The following NELL1 variants were observed in gnomAD, a reference collection of about 807,000 sequenced individuals.
NELL1 encodes neural EGFL like 1.
A neutral mutation model predicts 107.4 loss-of-function variants in NELL1; 76 were observed. That is an observed-to-expected ratio of 0.71 (90% CI 0.59 to 0.86). The LOEUF is 0.86. NELL1 is among the 40% of genes least tolerant of loss of function. The probability of loss-of-function intolerance (pLI) is 0.00; values close to 1 mark genes in which losing one functional copy is unlikely to be tolerated. For missense variants in NELL1, 1,024 were observed against 1,005.5 expected, an observed-to-expected ratio of 1.02 and a Z score of -0.25; for synonymous variants, 353 against 341.2, an observed-to-expected ratio of 1.03 and a Z score of -0.38.
intron 15 of NELL1, among the ~76,000 whole-genome samples, chr11:21,497,361 C>G (rs1293749909): frequency 3.3e-5 from 5 of 152,096 alleles, no homozygotes; most frequent in African/African-American, 1.2e-4. Context: ...CAGTGCAGAT[C>G]TTTTCCTCTG....
At chr11:20,731,372 A>G (rs1203180814) in intron 2 of NELL1, among the ~76,000 whole-genome samples, 3 of 152,202 alleles carry the variant, frequency 2.0e-5, no homozygotes, top group Non-Finnish European at 2.9e-5. Flanking sequence ...CCTGTGGCTG[A>G]ATGAAAGAAG....
chr11:20,931,089 A>G (rs532938863), intron 9 of NELL1, among the ~76,000 whole-genome samples: 1 of 152,294 alleles, frequency 6.6e-6, no homozygotes, highest in South Asian at 2.1e-4. Flanking sequence ...GCCTGGAATA[A>G]TGATGAGGGA....
chr11:21,260,813 A>G (rs1346406151), intron 14 of NELL1: 1 of 151,908 alleles, frequency 6.6e-6, no homozygotes, highest in East Asian at 1.9e-4. Flanking sequence ...AAAATTAGCC[A>G]GAGCTCACAA....
At chr11:21,552,864 T>G (rs1856624188) in intron 16 of NELL1, among the ~76,000 whole-genome samples, 1 of 151,758 alleles carries the variant, frequency 6.6e-6, no homozygotes, top group Non-Finnish European at 1.5e-5. Flanking sequence ...ATGTCTTAAC[T>G]CCCCTACTAG....
At chr11:21,194,584 A>C (rs1857113707) in intron 13 of NELL1, among the ~76,000 whole-genome samples, 2 of 152,108 alleles carry the variant, frequency 1.3e-5, no homozygotes, top group South Asian at 4.1e-4. Flanking sequence ...GGATTCTCAA[A>C]GTGTGGCTCC....
intron 2 of NELL1, among the ~76,000 whole-genome samples, chr11:20,779,109 T>A (rs1217283807): frequency 2.0e-5 from 3 of 152,186 alleles, no homozygotes; most frequent in Non-Finnish European, 4.4e-5. Context: ...AAGCAAGTAA[T>A]CCTGGCTACA....
At chr11:21,016,151 G>T (rs751605248) in intron 12 of NELL1, among the ~76,000 whole-genome samples, 2 of 152,026 alleles carry the variant, frequency 1.3e-5, no homozygotes, top group Non-Finnish European at 2.9e-5. Flanking sequence ...TTCCTCTCTT[G>T]TGTGTTAGGA....
intron 8 of NELL1, 139 bp from the exon 9 acceptor site, chr11:20,928,238 G>A (rs908047475): frequency 3.3e-5 from 26 of 781,142 alleles, no homozygotes; most frequent in Non-Finnish European, 5.2e-5. Flanking sequence ...CTTCATCTGT[G>A]GTCCTGGAGT....
At chr11:21,454,685 A>G (rs532215634) in intron 15 of NELL1, among the ~76,000 whole-genome samples, 2 of 152,356 alleles carry the variant, frequency 1.3e-5, no homozygotes, top group Admixed American at 6.5e-5. Context: ...AAAGTCCAAG[A>G]TCAAGTTTAA....
chr11:20,678,684 CT>C (rs1219227878), intron 2 of NELL1, among the ~76,000 whole-genome samples: 2 of 152,256 alleles, frequency 1.3e-5, no homozygotes, highest in Admixed American at 1.3e-4. Flanking sequence ...AAGATGATGC[CT>C]TGTTACTGTG....
chr11:20,922,568 C>T (rs567621889), intron 7 of NELL1, among the ~76,000 whole-genome samples: 4 of 151,968 alleles, frequency 2.6e-5, no homozygotes, highest in Non-Finnish European at 4.4e-5. Context: ...CTAAATTTAT[C>T]TGGGCCCAGT....
chr11:20,941,603 G>C (rs1031782814), intron 10 of NELL1, among the ~76,000 whole-genome samples: 2 of 152,130 alleles, frequency 1.3e-5, no homozygotes, highest in African/African-American at 4.8e-5. Flanking sequence ...CACCAGCCCT[G>C]GAGGAATGTG....
In NELL1 at chr11:21,489,380, CAAAAAAAA is replaced by C. The variant is rs1163644356; in HGVS notation, c.1646-44973_1646-44966del. Among the ~76,000 whole-genome samples, 43 of 47,798 alleles carry C rather than the reference CAAAAAAAA, an allele frequency of 9.0e-4. No individual in the cohort carries two copies. In the South Asian group the frequency reaches 0.012, roughly 13 times the overall value. The allele number at this position is 47,798 out of a possible 152,430, so 31.4% of individuals were successfully genotyped here. On this transcript the variant is annotated intron_variant, in intron 15 of 19. Transcript: ENST00000357134. ...AACACCAATCTTCCTGAAAGTATTT[CAAAAAAAA>C]AAAAAAAAAAAAAAAAAAAACAGAA...
At chr11:20,918,411 G>C (rs566137699) in intron 6 of NELL1, among the ~76,000 whole-genome samples, 157 bp downstream of exon 6, 1 of 152,022 alleles carries the variant, frequency 6.6e-6, no homozygotes, top group East Asian at 1.9e-4. Flanking sequence ...ATATAATTCT[G>C]TGTCTTTAAA....
chr11:21,496,883 T>G (rs941679738), intron 15 of NELL1, among the ~76,000 whole-genome samples: 1 of 152,130 alleles, frequency 6.6e-6, no homozygotes, highest in Non-Finnish European at 1.5e-5. Flanking sequence ...GTGTTTGGTT[T>G]TTTTGTCCTT....
chr11:20,755,972 A>G (rs1254715151), intron 2 of NELL1, among the ~76,000 whole-genome samples: 1 of 144,196 alleles, frequency 6.9e-6, no homozygotes, highest in Admixed American at 7.0e-5. Context: ...GGCTCACTGC[A>G]AGCTCTGCCT....
chr11:20,857,784 C>T (rs1590353824), intron 4 of NELL1, among the ~76,000 whole-genome samples: 2 of 152,136 alleles, frequency 1.3e-5, no homozygotes, highest in South Asian at 4.1e-4. Context: ...CAGACACAAG[C>T]CCTACGGGTA....
chr11:20,915,717 A>ATATATATATATATATATATTTTTTTT, intron 5 of NELL1, among the ~76,000 whole-genome samples: 15 of 58,218 alleles, frequency 2.6e-4, no homozygotes, highest in African/African-American at 5.3e-4. Context: ...ATATATATAT[A>ATATATATATATATATATATTTTTTTT]TTTTTTTTTT....
At chr11:20,790,393 G>A (rs113392871) in intron 3 of NELL1, among the ~76,000 whole-genome samples, 3 of 152,230 alleles carry the variant, frequency 2.0e-5, no homozygotes, top group African/African-American at 4.8e-5. Context: ...TGACAGTGCC[G>A]GAACTCGGCC....
Sources: allele counts gnomAD v4.1 joint callset (sites outside exome capture counted in the v4.1 genomes callset), GRCh38; gene constraint gnomAD v4.1.1; transcripts MANE v1.5; gene names NCBI Gene and HGNC (gene_info 2026-07-23, HGNC 2026-07-21).